Variants in BABAM2 observed in about 807,000 individuals in gnomAD.
BABAM2 encodes BRISC and BRCA1-A complex member 2.
A neutral mutation model predicts 54.7 loss-of-function variants in BABAM2; 31 were observed. The ratio of observed to expected loss-of-function variants is 0.57; its 90% CI spans 0.43 to 0.77. BABAM2 has a LOEUF of 0.77. Among genes scored for constraint, BABAM2 ranks in the 30% least tolerant of loss-of-function variants. The pLI is 0.00. For missense variants in BABAM2, 364 were observed against 455.8 expected (o/e 0.80, Z 1.83); for synonymous variants, 167 against 162.9 (o/e 1.03, Z -0.19).
Position 27,990,008 on chromosome 2 carries a change from A to G in BABAM2, c.300+1921A>G, listed in dbSNP as rs367927375. 9.3e-4 allele frequency among the ~76,000 whole-genome samples: 141 copies of G among 152,304 alleles called. 2 individuals carry two copies. In the South Asian group the frequency reaches 0.029, roughly 31 times the overall value. On this transcript the variant is annotated intron_variant, in intron 4 of 11. Coordinates refer to ENST00000379624, the MANE Select transcript of BABAM2 (RefSeq NM_199191.3). ...CCACTCTTAAGATGTTTAGTCCCTG[A>G]GTGAAGTTATCACAAATGTTTTGAG... is the stretch of plus-strand genomic sequence containing the variant.
chr2:28,117,806 A>G (rs1668735239), intron 6 of BABAM2, among the ~76,000 whole-genome samples: 2 of 152,180 alleles, frequency 1.3e-5, no homozygotes, highest in African/African-American at 4.8e-5. Context: ...GGTCTAGAAG[A>G]GAGAGAAGCT....
At chr2:28,194,609 T>C (rs1378060635) in intron 7 of BABAM2, among the ~76,000 whole-genome samples, 2 of 139,606 alleles carry the variant, frequency 1.4e-5, no homozygotes, top group African/African-American at 5.4e-5. Flanking sequence ...GAAGGAGTCT[T>C]GCTTCACTTG....
intron 10 of BABAM2, among the ~76,000 whole-genome samples, chr2:28,267,554 C>T (rs1218408235): frequency 2.0e-5 from 3 of 152,186 alleles, no homozygotes; most frequent in African/African-American, 4.8e-5. Context: ...AACACAGTAA[C>T]GTTTTATTTC....
intron 7 of BABAM2, among the ~76,000 whole-genome samples, chr2:28,221,126 C>G (rs544958139): frequency 6.6e-6 from 1 of 152,268 alleles, no homozygotes; most frequent in Middle Eastern, 3.4e-3. Flanking sequence ...CTCTCTCTCT[C>G]TCTCTCCACT....
At chr2:27,970,314 T>G (rs747686442) in intron 3 of BABAM2, among the ~76,000 whole-genome samples, 4 of 152,198 alleles carry the variant, frequency 2.6e-5, no homozygotes, top group African/African-American at 4.8e-5. Flanking sequence ...TATATTTTTC[T>G]CTCAAATTGT....
At chr2:28,318,871 A>C (rs1014125492) in intron 11 of BABAM2, among the ~76,000 whole-genome samples, 17 of 152,204 alleles carry the variant, frequency 1.1e-4, no homozygotes, top group African/African-American at 4.1e-4. Flanking sequence ...TCGTCTGCTT[A>C]ATAAACATGG....
At chr2:28,286,370 C>T (rs529404259) in intron 10 of BABAM2, among the ~76,000 whole-genome samples, 1 of 152,184 alleles carries the variant, frequency 6.6e-6, no homozygotes, top group Admixed American at 6.5e-5. Flanking sequence ...GAGCTTTTTT[C>T]CCTAGAAATG....
intron 7 of BABAM2, among the ~76,000 whole-genome samples, chr2:28,226,856 C>T (rs1453684197): frequency 2.6e-5 from 4 of 151,810 alleles, no homozygotes; most frequent in Admixed American, 6.6e-5. Context: ...TCTCAGTGGG[C>T]GCCTCTTAGG....
intron 3 of BABAM2, among the ~76,000 whole-genome samples, chr2:27,937,884 C>A (rs572022763): frequency 1.3e-5 from 2 of 152,156 alleles, no homozygotes; most frequent in Non-Finnish European, 2.9e-5. Context: ...TTACTGAGAC[C>A]AATTGTGACG....
chr2:28,068,302 A>G (rs1192039976), intron 6 of BABAM2, among the ~76,000 whole-genome samples: 1 of 152,228 alleles, frequency 6.6e-6, no homozygotes, highest in African/African-American at 2.4e-5. Context: ...GCGAGGGCAC[A>G]AAATACAAGT....
At chr2:28,113,622 T>A (rs1354819858) in intron 6 of BABAM2, among the ~76,000 whole-genome samples, 1 of 152,212 alleles carries the variant, frequency 6.6e-6, no homozygotes, top group Non-Finnish European at 1.5e-5. Flanking sequence ...AGAATTGTCT[T>A]GGCTCTATGG....
chr2:27,930,900 T>A (rs1668045619), intron 3 of BABAM2, among the ~76,000 whole-genome samples: 1 of 152,172 alleles, frequency 6.6e-6, no homozygotes. Flanking sequence ...CCTATTAAGG[T>A]TTTTCCTATT....
intron 3 of BABAM2, among the ~76,000 whole-genome samples, chr2:27,963,469 CAA>C (rs760525051): frequency 0.025 from 1,336 of 54,308 alleles, 2 homozygotes; most frequent in African/African-American, 0.043. Context: ...GACTCTTTCT[CAA>C]AAAAAAAAAA....
chr2:28,026,775 A>ATTTATAT (rs1470025637), intron 5 of BABAM2, among the ~76,000 whole-genome samples: 2 of 99,830 alleles, frequency 2.0e-5, no homozygotes, highest in Non-Finnish European at 3.7e-5. Context: ...ATAAATATAT[A>ATTTATAT]AAAAAATATA....
intron 10 of BABAM2, among the ~76,000 whole-genome samples, chr2:28,277,746 A>T (rs1041857894): frequency 1.3e-5 from 2 of 152,192 alleles, no homozygotes; most frequent in Non-Finnish European, 2.9e-5. Flanking sequence ...TAAGGAGAAA[A>T]GCCTTGTGTA....
At position 28,226,663 on chromosome 2, in the gene BABAM2, C is replaced by G. The variant is rs552462713; in HGVS notation, c.681-10539C>G. On this transcript the variant is annotated intron_variant, in intron 7 of 11. Transcript: ENST00000379624. ...AATAGATGGTTCAGGAAGCCTCACT[C>G]AGAAGCTGACATTTGAGTAAGACCT... Among the ~76,000 whole-genome samples, 4 of 152,314 alleles carry G rather than the reference C, an allele frequency of 2.6e-5. No individual in the cohort carries two copies. The South Asian group carries it at 8.3e-4, about 32-fold the overall frequency.
At chr2:28,243,444 A>G (rs1682627880) in intron 9 of BABAM2, among the ~76,000 whole-genome samples, 2 of 152,120 alleles carry the variant, frequency 1.3e-5, no homozygotes, top group Admixed American at 1.3e-4. Context: ...AGGCAGGAGA[A>G]TCTCTTGAAC....
At chr2:28,146,158 A>T (rs143887439) in intron 7 of BABAM2, among the ~76,000 whole-genome samples, 1,821 of 152,276 alleles carry the variant, frequency 0.012, 35 homozygotes, top group African/African-American at 0.041. Flanking sequence ...GAGTTGTAAG[A>T]GTTCTTTATA....
intron 7 of BABAM2, among the ~76,000 whole-genome samples, chr2:28,183,739 T>TCTCTCTCACACACACA (rs1553336494): frequency 7.5e-6 from 1 of 133,124 alleles, no homozygotes; most frequent in African/African-American, 2.7e-5. Flanking sequence ...TGGATGAAGA[T>TCTCTCTCACACACACA]CACACACACA....
Sources: gnomAD v4.1 joint callset for allele counts (sites outside exome capture counted in the v4.1 genomes callset) on GRCh38, gnomAD v4.1.1 for gene constraint, MANE v1.5 for transcripts, NCBI Gene and HGNC (gene_info 2026-07-23, HGNC 2026-07-21) for gene names.